Variants in SLC44A5 observed in about 807,000 individuals in gnomAD.
The protein encoded by SLC44A5 is choline transporter-like protein 5.
Under a neutral mutation model 101.8 loss-of-function variants are expected in SLC44A5, and 57 were observed. The observed-to-expected ratio is 0.56, with a 90% CI of 0.45 to 0.70. The LOEUF is 0.70. Among genes scored for constraint, SLC44A5 ranks in the 30% least tolerant of loss-of-function variants. SLC44A5 has a pLI of 0.00. For missense variants in SLC44A5, 737 were observed against 853.1 expected (o/e 0.86, Z 1.70); for synonymous variants, 281 against 290.9 (o/e 0.97, Z 0.35).
intron 2 of SLC44A5, among the ~76,000 whole-genome samples, chr1:75,448,582 C>T (rs1036530973): frequency 4.6e-5 from 7 of 152,182 alleles, no homozygotes; most frequent in African/African-American, 1.7e-4. Context: ...TAATCCATCA[C>T]TGAGGTAAAT....
rs556177854 is a variant in SLC44A5, at chr1:75,254,780, A to G, written c.261-3486T>C. Among the ~76,000 whole-genome samples the G allele has an allele frequency of 2.6e-5, 4 of 152,258 alleles. No individual in the cohort carries two copies. In the South Asian group the frequency reaches 8.3e-4, roughly 32 times the overall value. On this transcript the variant is annotated intron_variant, in intron 6 of 23. Coordinates refer to ENST00000370859, the MANE Select transcript of SLC44A5 (RefSeq NM_001130058.2). ...GAGTTGAGAGTGAGAAATGTAGCCAAAGCAGAGAGATTAATCGAAAGTTTC... is the reference window on the plus strand; with the variant it reads ...GAGTTGAGAGTGAGAAATGTAGCCAGAGCAGAGAGATTAATCGAAAGTTTC...
chr1:75,569,674 TA>T (rs1557917709), intron 1 of SLC44A5, among the ~76,000 whole-genome samples: 1 of 152,326 alleles, frequency 6.6e-6, no homozygotes, highest in Non-Finnish European at 1.5e-5. Context: ...TGGCTAACGG[TA>T]AATGCTCAAA....
chr1:75,533,559 A>C (rs1670835538), intron 2 of SLC44A5, among the ~76,000 whole-genome samples: 2 of 152,288 alleles, frequency 1.3e-5, no homozygotes, highest in Middle Eastern at 6.8e-3. Context: ...AAAAGACTGC[A>C]AATACCAAAA....
chr1:75,592,277 C>T (rs1169414008), intron 1 of SLC44A5, among the ~76,000 whole-genome samples: 2 of 151,738 alleles, frequency 1.3e-5, no homozygotes, highest in East Asian at 1.9e-4. Context: ...ATTATAATAG[C>T]CACACATAAA....
chr1:75,289,335 G>C (rs936031628), intron 5 of SLC44A5, among the ~76,000 whole-genome samples: 1 of 152,150 alleles, frequency 6.6e-6, no homozygotes, highest in Admixed American at 6.5e-5. Context: ...GAGGTCTCTA[G>C]GGTGTTGAAG....
At chr1:75,399,235 C>T (rs1408512913) in intron 2 of SLC44A5, among the ~76,000 whole-genome samples, 3 of 151,960 alleles carry the variant, frequency 2.0e-5, no homozygotes, top group Non-Finnish European at 4.4e-5. Context: ...ATGGGTCAAC[C>T]GGATGTTGTT....
chr1:75,537,034 A>AAAAAAAATATATATATG lies in SLC44A5; in HGVS notation c.13+4400_13+4401insCATATATATATTTTTTT, dbSNP rs1553199990. 1.5e-3 allele frequency among the ~76,000 whole-genome samples: 28 copies of AAAAAAAATATATATATG among 18,606 alleles called. 1 individual carries two copies. Among genetic ancestry groups the AAAAAAAATATATATATG allele is most frequent in the African/African-American group, 2.8e-3 (27 of 9,662 alleles). 12.2% of individuals were successfully genotyped at this position (18,606 alleles called of 152,430 possible). ...AAAAAAAAAAAAAAAAAAAAAAAAA[A>AAAAAAAATATATATATG]TATATATCTATGCCAAATGATTCTG... On this transcript the variant is annotated intron_variant, in intron 2 of 23. Coordinates refer to ENST00000370859, the MANE Select transcript of SLC44A5 (RefSeq NM_001130058.2).
Position 75,217,874 on chromosome 1 carries a change from C to A in SLC44A5, c.1616G>T (p.Arg539Leu), listed in dbSNP as rs146716753. 3 of 1,581,124 alleles carry A rather than the reference C, an allele frequency of 1.9e-6. No individual in the cohort carries two copies. In the South Asian group the frequency reaches 3.3e-5, roughly 18 times the overall value. The change falls in exon 18 of 24, where the codon CGT becomes CTT. Residue 539 changes from arginine to leucine, a missense_variant. Physicochemically the swap from Arg to Leu is moderately radical, Grantham distance 102. Around this residue, in one of 3 missense-constraint regions of SLC44A5, gnomAD observed 665 missense variants for 764.4 expected, o/e 0.87. Coordinates refer to ENST00000370859, the MANE Select transcript of SLC44A5 (RefSeq NM_001130058.2). ...GACATCTGAAATCTTACGTTTAAGA[C>A]GGTGGTCCAAGTATTCTAGTACAAT... The part of the protein sequence containing the change: ...FKIVLEYLDH[R>L]LKRTQNTLSK...
In SLC44A5 at chr1:75,297,646, CA is replaced by C. The variant is rs1418823161; in HGVS notation, c.175+2965del. Among the ~76,000 whole-genome samples the C allele has an allele frequency of 2.6e-5, 4 of 152,130 alleles. No individual in the cohort carries two copies. The East Asian group carries it at 7.7e-4, about 29-fold the overall frequency. On this transcript the variant is annotated intron_variant, in intron 5 of 23. Coordinates refer to ENST00000370859, the MANE Select transcript of SLC44A5 (RefSeq NM_001130058.2). The stretch of plus-strand genomic sequence containing the variant: ...TATTATATTGTATACTTAATGATAG[CA>C]ATAAGTATAGGAAAGAATAATTTGC...
intron 6 of SLC44A5, among the ~76,000 whole-genome samples, chr1:75,256,928 A>G (rs1650065933): frequency 6.6e-6 from 1 of 152,190 alleles, no homozygotes; most frequent in African/African-American, 2.4e-5. Context: ...TTCATTTCCC[A>G]TAGCAGACTG....
At chr1:75,705,417 G>A in the SLC44A5 span, among the ~76,000 whole-genome samples, 24 of 152,164 alleles carry the variant, frequency 1.6e-4, no homozygotes, top group African/African-American at 5.5e-4. Flanking sequence ...CAGAGCTTGA[G>A]GCAGTGTGGT....
chr1:75,398,706 CA>C (rs1662282983), intron 2 of SLC44A5, among the ~76,000 whole-genome samples: 1 of 151,860 alleles, frequency 6.6e-6, no homozygotes. Flanking sequence ...CATAATGAAT[CA>C]AAAAAAGCAA....
At chr1:75,512,089 C>T (rs1297145415) in intron 2 of SLC44A5, among the ~76,000 whole-genome samples, 8 of 152,092 alleles carry the variant, frequency 5.3e-5, no homozygotes, top group Non-Finnish European at 5.9e-5. Context: ...AAAATGTGCT[C>T]ATGTAAATAA....
chr1:75,701,113 T>C, the SLC44A5 span, among the ~76,000 whole-genome samples: 1 of 152,192 alleles, frequency 6.6e-6, no homozygotes, highest in Non-Finnish European at 1.5e-5. Context: ...TCTGAAACTA[T>C]TCCAATCAAC....
chr1:75,293,800 T>C (rs1653755529), intron 5 of SLC44A5, among the ~76,000 whole-genome samples: 1 of 152,272 alleles, frequency 6.6e-6, no homozygotes, highest in Non-Finnish European at 1.5e-5. Context: ...CTTAAAATCA[T>C]CTACCATGAA....
chr1:75,302,342 G>A (rs1654556166), intron 4 of SLC44A5, among the ~76,000 whole-genome samples: 1 of 151,942 alleles, frequency 6.6e-6, no homozygotes, highest in African/African-American at 2.4e-5. Flanking sequence ...TAGAAATCTT[G>A]CATTTTTCAA....
the SLC44A5 span, among the ~76,000 whole-genome samples, chr1:75,698,429 T>A: frequency 6.6e-6 from 1 of 152,080 alleles, no homozygotes; most frequent in Admixed American, 6.5e-5. Flanking sequence ...CCAACAGACC[T>A]GCAACTGAGG....
intron 2 of SLC44A5, among the ~76,000 whole-genome samples, chr1:75,420,145 G>T (rs375866759): frequency 2.7e-4 from 41 of 152,032 alleles, no homozygotes; most frequent in African/African-American, 9.4e-4. Context: ...ATCTATAAAC[G>T]AGGAAACAGG....
At chr1:75,641,705 T>C in the SLC44A5 span, 4 of 1,552,342 alleles carry the variant, frequency 2.6e-6, no homozygotes, top group African/African-American at 2.7e-5. Flanking sequence ...TATGAGATAC[T>C]GCATATTCAA....
Sources: allele counts gnomAD v4.1 joint callset (sites outside exome capture counted in the v4.1 genomes callset), GRCh38; gene constraint gnomAD v4.1.1; regional missense constraint gnomAD v4.1.1; transcripts MANE v1.5; gene names NCBI Gene and HGNC (gene_info 2026-07-23, HGNC 2026-07-21).